Variants in TENM3 observed in about 807,000 individuals in gnomAD.
TENM3 encodes teneurin transmembrane protein 3, also known as teneurin-3.
A neutral mutation model predicts 255.1 loss-of-function variants in TENM3; 63 were observed. That is an observed-to-expected ratio of 0.25 (90% CI 0.20 to 0.30). The LOEUF (loss-of-function observed/expected upper bound fraction) is 0.30. Ranked by LOEUF, TENM3 falls within the 10% of genes least tolerant of loss-of-function variation. The pLI, the probability that TENM3 is intolerant of heterozygous loss-of-function variation, is 1.00. For missense variants in TENM3, 2,929 were observed against 3,461.1 expected, an observed-to-expected ratio of 0.85 and a Z score of 3.86; for synonymous variants, 1,306 against 1,322.3, an observed-to-expected ratio of 0.99 and a Z score of 0.27.
chr4:182,136,129 G>C, the TENM3 span, among the ~76,000 whole-genome samples: 1 of 151,902 alleles, frequency 6.6e-6, no homozygotes, highest in Non-Finnish European at 1.5e-5. Flanking sequence ...GTATCAAGTT[G>C]TAGTTTTGGA....
chr4:182,497,052 C>G (rs898598108), intron 3 of TENM3, among the ~76,000 whole-genome samples: 1 of 151,330 alleles, frequency 6.6e-6, no homozygotes, highest in African/African-American at 2.4e-5. Flanking sequence ...GAGCCATCCA[C>G]TTACAGCTTT....
At chr4:181,986,878 G>A in the TENM3 span, among the ~76,000 whole-genome samples, 1 of 152,034 alleles carries the variant, frequency 6.6e-6, no homozygotes, top group Non-Finnish European at 1.5e-5. Context: ...ATTTAGTGGG[G>A]AAATTGAGAA....
At chr4:181,913,711 C>T in the TENM3 span, among the ~76,000 whole-genome samples, 1 of 151,942 alleles carries the variant, frequency 6.6e-6, no homozygotes, top group African/African-American at 2.4e-5. Context: ...GGGTAAGGAA[C>T]GAGGAAGTCA....
intron 1 of TENM3, among the ~76,000 whole-genome samples, chr4:182,220,321 G>A (rs1755769498): frequency 7.3e-6 from 1 of 136,822 alleles, no homozygotes; most frequent in Non-Finnish European, 1.5e-5. Flanking sequence ...AGGTTGCAGT[G>A]AGCAGAGATC....
chr4:182,742,992 G>A (rs1469813215), intron 18 of TENM3, among the ~76,000 whole-genome samples, 178 bp from the exon 19 acceptor site: 3 of 152,088 alleles, frequency 2.0e-5, no homozygotes, highest in Non-Finnish European at 4.4e-5. Context: ...GGACTTTATC[G>A]TGTAATATTT....
In TENM3 at chr4:182,755,008, C is replaced by T. The variant is rs769946647; in HGVS notation, c.4641C>T (p.Tyr1547=). The T allele has an allele frequency of 8.7e-6, 14 of 1,613,862 alleles. No homozygotes were observed. The highest frequency in any genetic ancestry group is 1.0e-5 in the Non-Finnish European group (12 of 1,179,880). The change falls in exon 22 of 28, where the codon TAC becomes TAT. Residue 1547 remains tyrosine (Y), a synonymous_variant. Coordinates refer to ENST00000511685, the MANE Select transcript of TENM3 (RefSeq NM_001080477.4). ...VTGDYLYNFS[Y]SNDNDITAVT... is the part of the protein sequence containing the mutation. ...GTGATTACCTTTACAATTTTAGCTA[C>T]AGCAATGACAATGATATTACTGCTG...
At chr4:182,135,666 C>T in the TENM3 span, among the ~76,000 whole-genome samples, 1 of 152,212 alleles carries the variant, frequency 6.6e-6, no homozygotes, top group African/African-American at 2.4e-5. Context: ...CATATGACCA[C>T]GAACTTCGTC....
At chr4:182,181,891 G>A (rs1421139257) in intron 1 of TENM3, among the ~76,000 whole-genome samples, 1 of 144,266 alleles carries the variant, frequency 6.9e-6, no homozygotes, top group African/African-American at 2.5e-5. Context: ...CTAATGTCCT[G>A]TTTTTTTTTT....
chr4:182,301,139 T>C (rs1335566639), intron 1 of TENM3, among the ~76,000 whole-genome samples: 1 of 152,210 alleles, frequency 6.6e-6, no homozygotes, highest in African/African-American at 2.4e-5. Flanking sequence ...TTTCACCGTT[T>C]CCTATATTTC....
At chr4:181,568,497 A>G in the TENM3 span, among the ~76,000 whole-genome samples, 1 of 151,822 alleles carries the variant, frequency 6.6e-6, no homozygotes. Flanking sequence ...GCCGCCAACT[A>G]TGTCTTTTAC....
the TENM3 span, among the ~76,000 whole-genome samples, chr4:181,509,500 A>G: frequency 6.6e-6 from 1 of 152,044 alleles, no homozygotes; most frequent in Non-Finnish European, 1.5e-5. Flanking sequence ...CCTGCGAGAA[A>G]GCTTTAAGCC....
the TENM3 span, among the ~76,000 whole-genome samples, chr4:181,607,235 C>A: frequency 2.0e-5 from 3 of 152,278 alleles, no homozygotes; most frequent in Non-Finnish European, 4.4e-5. Flanking sequence ...TCCCTTGGAG[C>A]AGCCTATGTT....
intron 19 of TENM3, among the ~76,000 whole-genome samples, chr4:182,748,718 G>T (rs1762176579): frequency 6.6e-6 from 1 of 152,160 alleles, no homozygotes; most frequent in African/African-American, 2.4e-5. Flanking sequence ...ATCCTAGCCT[G>T]CGCTGCTGGG....
chr4:182,632,670 CCA>C (rs1271436884), intron 5 of TENM3, among the ~76,000 whole-genome samples: 4 of 152,044 alleles, frequency 2.6e-5, no homozygotes, highest in Non-Finnish European at 4.4e-5. Flanking sequence ...ATGTACTTCT[CCA>C]ATTTATTATT....
the TENM3 span, among the ~76,000 whole-genome samples, chr4:181,754,077 A>C: frequency 1.3e-5 from 2 of 152,188 alleles, no homozygotes; most frequent in African/African-American, 4.8e-5. Flanking sequence ...GCAGATATTT[A>C]AACTATCTTT....
the TENM3 span, among the ~76,000 whole-genome samples, chr4:182,133,109 C>A: frequency 1.3e-5 from 2 of 152,128 alleles, no homozygotes; most frequent in African/African-American, 2.4e-5. Context: ...TGTTTTTATG[C>A]TTTTCCCACT....
At chr4:181,771,629 C>A in the TENM3 span, among the ~76,000 whole-genome samples, 1 of 152,224 alleles carries the variant, frequency 6.6e-6, no homozygotes, top group Non-Finnish European at 1.5e-5. Context: ...GGAACCAACT[C>A]GTCTCTGTTC....
At chr4:182,764,213 G>A (rs898995565) in intron 22 of TENM3, among the ~76,000 whole-genome samples, 43 of 152,218 alleles carry the variant, frequency 2.8e-4, no homozygotes, top group Admixed American at 1.0e-3. Context: ...GAAGTTTTCT[G>A]TGCTTTTTGA....
At chr4:182,253,433 A>G (rs1305013150) in intron 1 of TENM3, among the ~76,000 whole-genome samples, 1 of 152,224 alleles carries the variant, frequency 6.6e-6, no homozygotes, top group Non-Finnish European at 1.5e-5. Context: ...AGATCGCACC[A>G]CTGCACTCCA....
Sources: allele counts gnomAD v4.1 joint callset (sites outside exome capture counted in the v4.1 genomes callset), GRCh38; gene constraint gnomAD v4.1.1; transcripts MANE v1.5; gene names NCBI Gene and HGNC (gene_info 2026-07-23, HGNC 2026-07-21).